CDIP1: variants seen among roughly 807,000 people sequenced by gnomAD.
The protein encoded by CDIP1 is cell death inducing p53 target 1, also known as cell death-inducing p53-target protein 1.
CDIP1 carries 9 observed loss-of-function variants against 17.7 expected under a neutral mutation model. The ratio of observed to expected loss-of-function variants is 0.51; its 90% CI spans 0.31 to 0.89. The LOEUF (loss-of-function observed/expected upper bound fraction) is 0.89, where lower values mean the gene tolerates loss of function less well. CDIP1 is among the 40% of genes least tolerant of loss of function. CDIP1 has a pLI of 0.05. For synonymous variants in CDIP1, 117 were observed against 109.5 expected (o/e 1.07, Z -0.43); for missense variants, 263 against 277.9 (o/e 0.95, Z 0.38).
At chr16:4,523,152 G>C (rs907712027) in intron 1 of CDIP1, among the ~76,000 whole-genome samples, 1 of 152,192 alleles carries the variant, frequency 6.6e-6, no homozygotes, top group Non-Finnish European at 1.5e-5. Context: ...TAAGGGGAGG[G>C]CGGGGGATGG....
chr16:4,523,809 G>A (rs2058974805), intron 1 of CDIP1: 1 of 152,338 alleles, frequency 6.6e-6, no homozygotes, highest in South Asian at 2.1e-4. Flanking sequence ...AAGGCCTAAG[G>A]AAGGAGGGAT....
chr16:4,528,961 G>A (rs1485061457), intron 1 of CDIP1, among the ~76,000 whole-genome samples: 2 of 152,038 alleles, frequency 1.3e-5, no homozygotes, highest in Non-Finnish European at 2.9e-5. Flanking sequence ...TGTACTCCAG[G>A]CCGGGCAACA....
chr16:4,537,361 G>A (rs1193601406), intron 1 of CDIP1, among the ~76,000 whole-genome samples: 6 of 152,138 alleles, frequency 3.9e-5, no homozygotes. Context: ...TTCTGAGACT[G>A]GCAAGTGACT....
chr16:4,537,110 C>A (rs951226008), intron 1 of CDIP1, among the ~76,000 whole-genome samples: 1 of 152,144 alleles, frequency 6.6e-6, no homozygotes, highest in Admixed American at 6.5e-5. Context: ...ACCCAATAAA[C>A]AACAATTCTA....
intron 1 of CDIP1, among the ~76,000 whole-genome samples, chr16:4,519,631 A>T (rs1467627365): frequency 6.6e-6 from 1 of 152,176 alleles, no homozygotes; most frequent in Non-Finnish European, 1.5e-5. Flanking sequence ...TTGATGACTG[A>T]TGGTGAGGCT....
At chr16:4,531,429 A>C (rs557710344) in intron 1 of CDIP1, among the ~76,000 whole-genome samples, 1 of 152,086 alleles carries the variant, frequency 6.6e-6, no homozygotes, top group Admixed American at 6.6e-5. Context: ...CAAAGTGCTA[A>C]GATTATAGGT....
intron 1 of CDIP1, among the ~76,000 whole-genome samples, chr16:4,515,479 C>T (rs937037942): frequency 5.3e-5 from 8 of 152,196 alleles, no homozygotes; most frequent in Non-Finnish European, 7.3e-5. Flanking sequence ...AAGTGGATGT[C>T]ATCAGAATGA....
Position 4,538,685 on chromosome 16 carries a change from G to A in CDIP1, c.-105+17C>T, listed in dbSNP as rs969222042. The A allele has an allele frequency of 1.3e-5, 2 of 152,276 alleles. No homozygotes were observed. Among genetic ancestry groups the A allele is most frequent in the East Asian group, 1.9e-4 (1 of 5,182 alleles). 9.4% of individuals were successfully genotyped at this position (152,276 alleles called of 1,614,324 possible). ...CTCCCGCGCGAAGCCGTCTCCGAAT[G>A]CGTCCAGTCGACTCACCGTCCCCGC... is the stretch of plus-strand genomic sequence containing the variant. On this transcript the variant is annotated intron_variant, in intron 1 of 5. Coordinates refer to ENST00000567695, the MANE Select transcript of CDIP1 (RefSeq NM_013399.3).
At chr16:4,521,534 C>A (rs562754003) in intron 1 of CDIP1, among the ~76,000 whole-genome samples, 1 of 151,862 alleles carries the variant, frequency 6.6e-6, no homozygotes, top group Non-Finnish European at 1.5e-5. Flanking sequence ...GCTTGCCACC[C>A]GGTGGAAGGC....
intron 1 of CDIP1, among the ~76,000 whole-genome samples, chr16:4,520,131 T>A (rs1361341931): frequency 6.6e-6 from 1 of 151,676 alleles, no homozygotes; most frequent in African/African-American, 2.4e-5. Context: ...TTTTTTTTTT[T>A]AGACAGAGTC....
At chr16:4,530,576 G>A (rs903450535) in intron 1 of CDIP1, among the ~76,000 whole-genome samples, 1 of 151,796 alleles carries the variant, frequency 6.6e-6, no homozygotes, top group African/African-American at 2.4e-5. Context: ...TTGAACCCAC[G>A]AGGTGGAGCT....
chr16:4,529,829 A>G (rs757961093), intron 1 of CDIP1, among the ~76,000 whole-genome samples: 18 of 152,254 alleles, frequency 1.2e-4, no homozygotes, highest in Admixed American at 8.5e-4. Flanking sequence ...AGTGCAGTCA[A>G]GACACGTGGC....
chr16:4,537,644 C>T (rs1315393002), intron 1 of CDIP1, among the ~76,000 whole-genome samples: 1 of 152,212 alleles, frequency 6.6e-6, no homozygotes, highest in Non-Finnish European at 1.5e-5. Context: ...GGGGAGCCTA[C>T]TAAATGCAGA....
At chr16:4,523,524 A>T (rs1317437734) in intron 1 of CDIP1, among the ~76,000 whole-genome samples, 2 of 152,144 alleles carry the variant, frequency 1.3e-5, no homozygotes, top group African/African-American at 4.8e-5. Context: ...AAGAAAGAAA[A>T]AAAAAGACAT....
chr16:4,529,528 CA>C (rs2059033892), intron 1 of CDIP1, among the ~76,000 whole-genome samples: 1 of 152,026 alleles, frequency 6.6e-6, no homozygotes, highest in Non-Finnish European at 1.5e-5. Context: ...AAATGCAGAG[CA>C]AAAGGAAAAA....
At chr16:4,527,005 A>T (rs1029803199) in intron 1 of CDIP1, among the ~76,000 whole-genome samples, 3 of 151,668 alleles carry the variant, frequency 2.0e-5, no homozygotes, top group Non-Finnish European at 2.9e-5. Context: ...GTCACGGGAG[A>T]GGCCATGGGT....
intron 1 of CDIP1, among the ~76,000 whole-genome samples, chr16:4,518,547 C>A (rs750320061): frequency 3.9e-5 from 6 of 152,192 alleles, no homozygotes; most frequent in Non-Finnish European, 8.8e-5. Flanking sequence ...ACTGCTCCCC[C>A]TCACCCCTCC....
chr16:4,513,847 A>G lies in CDIP1; in HGVS notation c.90T>C (p.Arg30=). Reference sequence around the variant, plus strand: ...GGGGCTGCATCACAGCTGGGGAGGAACGGCCTGGACAGAGAGAGGCAGAAA... The same window carrying G: ...GGGGCTGCATCACAGCTGGGGAGGAGCGGCCTGGACAGAGAGAGGCAGAAA... The part of the protein sequence containing the change: ...EKSGAPPTPG[R]SSPAVMQPPP... Residue 30 remains arginine, a synonymous_variant, in exon 4 of 6, where the codon CGT becomes CGC. Transcript: ENST00000567695. The surrounding 1 kb of genome is among the most constrained non-coding windows in gnomAD (Gnocchi z 4.1). 1 of 1,567,904 alleles carries G rather than the reference A, an allele frequency of 6.4e-7. No individual in the cohort carries two copies. The highest frequency in any genetic ancestry group is 8.6e-7 in the Non-Finnish European group (1 of 1,157,766).
intron 1 of CDIP1, among the ~76,000 whole-genome samples, chr16:4,535,075 T>C (rs12443862): frequency 0.015 from 2,335 of 152,170 alleles, 61 homozygotes; most frequent in Admixed American, 0.085. Context: ...GTAATACGGG[T>C]TGAAATTCTC....
Sources: allele counts gnomAD v4.1 joint callset (sites outside exome capture counted in the v4.1 genomes callset), GRCh38; gene constraint gnomAD v4.1.1; non-coding constraint Gnocchi (gnomAD v3.1); transcripts MANE v1.5; gene names NCBI Gene and HGNC (gene_info 2026-07-23, HGNC 2026-07-21).